ZNF565: variants seen among roughly 807,000 people sequenced by gnomAD.
ZNF565 encodes zinc finger protein 565.
In ZNF565, 27 loss-of-function variants were observed where a neutral mutation model predicts 39.4. The observed-to-expected ratio is 0.69, with a 90% CI of 0.51 to 0.95. ZNF565 has a LOEUF of 0.95. Among genes scored for constraint, ZNF565 ranks in the 40% least tolerant of loss-of-function variants. ZNF565 has a pLI of 0.00. For missense variants in ZNF565, 524 were observed against 621.1 expected (o/e 0.84, Z 1.66); for synonymous variants, 185 against 216.6 (o/e 0.85, Z 1.28).
chr19:36,197,509 G>A (rs1274277543), intron 2 of ZNF565, among the ~76,000 whole-genome samples: 1 of 151,674 alleles, frequency 6.6e-6, no homozygotes, highest in Non-Finnish European at 1.5e-5. Flanking sequence ...ATGAAAGAAG[G>A]AAGAGAGAAG....
At chr19:36,236,490 C>T in intron 1 of ZNF565, 2 of 1,613,902 alleles carry the variant, frequency 1.2e-6, no homozygotes, top group Non-Finnish European at 1.7e-6. Flanking sequence ...AACCCCTTTG[C>T]CTGTAAGGTA....
At chr19:36,223,598 C>G (rs185372488) in intron 1 of ZNF565, among the ~76,000 whole-genome samples, 1 of 151,968 alleles carries the variant, frequency 6.6e-6, no homozygotes, top group Non-Finnish European at 1.5e-5. Flanking sequence ...CTCCTGACCT[C>G]GTGATCCGCC....
intron 1 of ZNF565, among the ~76,000 whole-genome samples, chr19:36,232,342 A>G (rs902269516): frequency 1.3e-5 from 2 of 152,078 alleles, no homozygotes; most frequent in African/African-American, 4.8e-5. Flanking sequence ...TTCAGTTTTC[A>G]TTAAAATGTT....
At chr19:36,198,021 C>T (rs915980708) in intron 2 of ZNF565, among the ~76,000 whole-genome samples, 8 of 151,506 alleles carry the variant, frequency 5.3e-5, no homozygotes, top group Middle Eastern at 3.2e-3. Context: ...TGGTAGCGTG[C>T]GCCTGTAATC....
chr19:36,201,903 G>A (rs1975978362), intron 2 of ZNF565, 74 bp downstream of exon 2: 6 of 1,553,786 alleles, frequency 3.9e-6, no homozygotes, highest in Non-Finnish European at 5.3e-6. Context: ...GAAGTTCCAG[G>A]ATAAAGAACA....
chr19:36,206,700 C>T (rs988073487), intron 1 of ZNF565, among the ~76,000 whole-genome samples: 2 of 152,008 alleles, frequency 1.3e-5, no homozygotes, highest in Non-Finnish European at 1.5e-5. Flanking sequence ...GGTGTGGTGG[C>T]GCATGCCTGT....
rs745907291 is a variant in ZNF565, at chr19:36,182,804, C to T, written c.1162G>A (p.Asp388Asn). Residue 388 changes from aspartate to asparagine, a missense_variant, in exon 5 of 5, where the codon GAC (aspartate) becomes AAC (asparagine). By Grantham distance (23) the Asp-to-Asn change is conservative. Coordinates refer to ENST00000304116, the MANE Select transcript of ZNF565 (RefSeq NM_152477.5). ...CAGTCCTTACATTCATAGGGTCTGT[C>T]GCCAGTATGGACTCTCTGATGTCGT... ...LTRHQRVHTG[D>N]RPYECKDCGK... The T allele has an allele frequency of 4.8e-5, 77 of 1,614,124 alleles. No individual in the cohort carries two copies. The highest frequency in any genetic ancestry group is 5.8e-5 in the Non-Finnish European group (69 of 1,180,038).
intron 2 of ZNF565, among the ~76,000 whole-genome samples, chr19:36,198,312 A>T (rs1355243803): frequency 2.0e-5 from 3 of 152,128 alleles, no homozygotes; most frequent in Admixed American, 6.6e-5. Context: ...CCACAAAAAG[A>T]ATGAGATCTG....
chr19:36,238,613 C>T (rs1977732994), intron 1 of ZNF565: 1 of 166,980 alleles, frequency 6.0e-6, no homozygotes, highest in Non-Finnish European at 1.5e-5. Flanking sequence ...AATGCTGTAT[C>T]TGTGGAAGTC....
intron 1 of ZNF565, chr19:36,237,478 A>G: frequency 1.2e-6 from 1 of 805,084 alleles, no homozygotes; most frequent in Non-Finnish European, 1.9e-6. Flanking sequence ...TACTGAAGAG[A>G]AAGACATGCA....
intron 4 of ZNF565, among the ~76,000 whole-genome samples, chr19:36,184,431 A>C (rs1975216698): frequency 6.6e-6 from 1 of 151,826 alleles, no homozygotes; most frequent in Non-Finnish European, 1.5e-5. Flanking sequence ...CACCCAGCTA[A>C]TTTTTGTATT....
intron 3 of ZNF565, 147 bp downstream of exon 3, chr19:36,194,883 G>T: frequency 8.1e-7 from 1 of 1,229,244 alleles, no homozygotes; most frequent in Non-Finnish European, 1.2e-6. Context: ...ATTGCTGGCC[G>T]GGCCTCTCTC....
chr19:36,220,920 T>C (rs545517095), intron 1 of ZNF565, among the ~76,000 whole-genome samples: 1 of 151,924 alleles, frequency 6.6e-6, no homozygotes, highest in East Asian at 1.9e-4. Context: ...GGTGTGATCT[T>C]GGCTCACTTG....
chr19:36,194,692 T>G (rs896426296), intron 3 of ZNF565: 14 of 480,620 alleles, frequency 2.9e-5, no homozygotes, highest in Admixed American at 1.3e-4. Flanking sequence ...TGTGCCCAGC[T>G]CTGGGATCCC....
chr19:36,188,449 T>C (rs1174714166), intron 4 of ZNF565, among the ~76,000 whole-genome samples: 2 of 150,916 alleles, frequency 1.3e-5, no homozygotes, highest in Admixed American at 1.3e-4. Context: ...TGGTAGGTCA[T>C]GCCTGTAACC....
At chr19:36,210,954 A>T (rs1976332104) in intron 1 of ZNF565, among the ~76,000 whole-genome samples, 1 of 152,034 alleles carries the variant, frequency 6.6e-6, no homozygotes, top group Non-Finnish European at 1.5e-5. Flanking sequence ...AGGACACAGG[A>T]ATCGACTTGA....
At chr19:36,211,592 G>A (rs759794212) in intron 1 of ZNF565, among the ~76,000 whole-genome samples, 2 of 151,878 alleles carry the variant, frequency 1.3e-5, no homozygotes, top group Non-Finnish European at 2.9e-5. Context: ...AGGAGATCGA[G>A]ACCATCCTGG....
At chr19:36,208,444 C>T (rs918419250) in intron 1 of ZNF565, among the ~76,000 whole-genome samples, 4 of 152,110 alleles carry the variant, frequency 2.6e-5, no homozygotes, top group African/African-American at 4.8e-5. Context: ...AAATGATCCT[C>T]CCACTTCAGC....
At chr19:36,218,530 A>G (rs1339282428), upstream of ZNF565, among the ~76,000 whole-genome samples, 1 of 151,198 alleles carries the variant, frequency 6.6e-6, no homozygotes. Context: ...CAGTGGCCTG[A>G]TCTCGGCTCA....
Sources: gnomAD v4.1 joint callset for allele counts (sites outside exome capture counted in the v4.1 genomes callset) on GRCh38, gnomAD v4.1.1 for gene constraint, MANE v1.5 for transcripts, NCBI Gene and HGNC (gene_info 2026-07-23, HGNC 2026-07-21) for gene names.